Variants in CSMD1 observed in about 807,000 individuals in gnomAD.
CSMD1 encodes CUB and Sushi multiple domains 1.
CSMD1 carries 213 observed loss-of-function variants against 417.5 expected under a neutral mutation model. The ratio of observed to expected loss-of-function variants is 0.51; its 90% CI spans 0.46 to 0.57. CSMD1 has a LOEUF of 0.57. CSMD1 is among the 20% of genes least tolerant of loss of function. The pLI, the probability that CSMD1 is intolerant of heterozygous loss-of-function variation, is 0.00. For missense variants in CSMD1, 6,923 were observed against 4,529.7 expected (o/e 1.53, Z -15.17); for synonymous variants, 2,862 against 1,736.8 (o/e 1.65, Z -16.11).
chr8:4,217,110 G>C (rs772716778), intron 3 of CSMD1, among the ~76,000 whole-genome samples: 1 of 152,150 alleles, frequency 6.6e-6, no homozygotes, highest in Non-Finnish European at 1.5e-5. Flanking sequence ...CATTTTAGTT[G>C]GTGTAGTGCT....
chr8:4,292,380 G>A (rs1456209411), intron 3 of CSMD1, among the ~76,000 whole-genome samples: 1 of 152,022 alleles, frequency 6.6e-6, no homozygotes, highest in Non-Finnish European at 1.5e-5. Flanking sequence ...AGCCTCCAGA[G>A]TACCTGGGAC....
intron 5 of CSMD1, among the ~76,000 whole-genome samples, chr8:3,858,702 A>T (rs755313005): frequency 3.3e-5 from 5 of 152,148 alleles, no homozygotes; most frequent in Non-Finnish European, 7.3e-5. Context: ...TAATACCCCA[A>T]ATAAAATAGT....
intron 1 of CSMD1, among the ~76,000 whole-genome samples, chr8:4,665,774 T>A (rs1231914346): frequency 6.6e-6 from 1 of 152,234 alleles, no homozygotes; most frequent in Non-Finnish European, 1.5e-5. Context: ...TTAATATTTG[T>A]GTTTGTTTTC....
chr8:3,882,296 A>C (rs998805689), intron 5 of CSMD1, among the ~76,000 whole-genome samples: 3 of 152,226 alleles, frequency 2.0e-5, no homozygotes, highest in Non-Finnish European at 2.9e-5. Flanking sequence ...AAACACACAA[A>C]GTCATTCAAC....
intron 7 of CSMD1, among the ~76,000 whole-genome samples, chr8:3,660,463 G>A (rs979298470): frequency 7.4e-6 from 1 of 136,006 alleles, no homozygotes; most frequent in African/African-American, 2.8e-5. Context: ...ATGTAAACTA[G>A]GGCTCAGATC....
intron 7 of CSMD1, among the ~76,000 whole-genome samples, chr8:3,667,288 T>A (rs1798743514): frequency 6.6e-6 from 1 of 152,166 alleles, no homozygotes; most frequent in Non-Finnish European, 1.5e-5. Flanking sequence ...TTATAAGGGT[T>A]ATGTGAAAAA....
chr8:4,635,886 C>G (rs1261874364), intron 2 of CSMD1, among the ~76,000 whole-genome samples: 3 of 151,738 alleles, frequency 2.0e-5, no homozygotes, highest in Non-Finnish European at 4.4e-5. Context: ...GACGGCCATT[C>G]TACTATGTAT....
At chr8:4,919,365 G>C (rs1025674489) in intron 1 of CSMD1, among the ~76,000 whole-genome samples, 5 of 152,042 alleles carry the variant, frequency 3.3e-5, no homozygotes, top group African/African-American at 1.2e-4. Flanking sequence ...TTAAAATTTA[G>C]CATAAACAAA....
In CSMD1 at chr8:2,963,255, C is replaced by G; in HGVS notation, c.9421G>C (p.Gly3141Arg). Reference protein sequence around the residue: ...HSAILSCEGRGVWKGEIPQCL... With the variant: ...HSAILSCEGRRVWKGEIPQCL... ...TGGGGGATCTCTCCTTTCCACACCC[C>G]GCGACCTTCACAGGAGAGGATGGCG... The change falls in exon 60 of 70, where the codon GGG (glycine) becomes CGG (arginine). Residue 3141 changes from glycine to arginine, a missense_variant. Coordinates refer to ENST00000635120, the MANE Select transcript of CSMD1 (RefSeq NM_033225.6). 8 of 1,613,964 alleles carry G rather than the reference C, an allele frequency of 5.0e-6. No homozygotes were observed. The highest frequency in any genetic ancestry group is 6.8e-6 in the Non-Finnish European group (8 of 1,179,874).
intron 3 of CSMD1, among the ~76,000 whole-genome samples, chr8:4,379,796 A>G (rs1026005525): frequency 4.6e-5 from 7 of 152,190 alleles, no homozygotes; most frequent in African/African-American, 1.7e-4. Flanking sequence ...TCCAGTCAAA[A>G]TGTTGACAAT....
chr8:4,799,525 G>T (rs140059779), intron 1 of CSMD1, among the ~76,000 whole-genome samples: 124 of 138,776 alleles, frequency 8.9e-4, no homozygotes, highest in African/African-American at 3.2e-3. Flanking sequence ...CTTGAACCCA[G>T]GAGGCGGAGG....
At chr8:4,466,670 GA>G (rs1800189044) in intron 2 of CSMD1, among the ~76,000 whole-genome samples, 1 of 152,066 alleles carries the variant, frequency 6.6e-6, no homozygotes, top group South Asian at 2.1e-4. Context: ...ATATAACTCT[GA>G]GTTGGGATAT....
chr8:4,654,208 G>A (rs1804083292), intron 1 of CSMD1, among the ~76,000 whole-genome samples: 1 of 152,018 alleles, frequency 6.6e-6, no homozygotes, highest in East Asian at 1.9e-4. Flanking sequence ...TCTGGATCTA[G>A]TAATCTCAAT....
chr8:4,791,531 G>C (rs955726867), intron 1 of CSMD1, among the ~76,000 whole-genome samples: 1 of 152,144 alleles, frequency 6.6e-6, no homozygotes, highest in Admixed American at 6.5e-5. Flanking sequence ...AGTTGTATAA[G>C]AGCCACTGGA....
intron 3 of CSMD1, among the ~76,000 whole-genome samples, chr8:4,378,445 T>A (rs1013962220): frequency 2.6e-5 from 4 of 152,196 alleles, no homozygotes; most frequent in Non-Finnish European, 5.9e-5. Flanking sequence ...ATCTCAAAAA[T>A]TATTCTCTGT....
intron 21 of CSMD1, among the ~76,000 whole-genome samples, chr8:3,349,509 C>G (rs1029687501): frequency 2.0e-5 from 3 of 151,788 alleles, no homozygotes; most frequent in African/African-American, 7.3e-5. Context: ...TAAATAAAGA[C>G]AGAAAAGCAG....
chr8:3,540,297 G>C (rs1399646013), intron 10 of CSMD1, among the ~76,000 whole-genome samples: 1 of 152,168 alleles, frequency 6.6e-6, no homozygotes, highest in Non-Finnish European at 1.5e-5. Context: ...GAGTTGAATA[G>C]GTGATAACTC....
intron 47 of CSMD1, among the ~76,000 whole-genome samples, chr8:3,092,665 A>G (rs1815022071): frequency 6.6e-6 from 1 of 152,236 alleles, no homozygotes; most frequent in South Asian, 2.1e-4. Flanking sequence ...AACAAAGTTA[A>G]CATTGAAAGT....
At chr8:4,455,399 C>T (rs576711989) in intron 2 of CSMD1, among the ~76,000 whole-genome samples, 2 of 152,094 alleles carry the variant, frequency 1.3e-5, no homozygotes, top group Admixed American at 1.3e-4. Flanking sequence ...ATTTTATACA[C>T]AGCTGTCATG....
Sources: gnomAD v4.1 joint callset for allele counts (sites outside exome capture counted in the v4.1 genomes callset) on GRCh38, gnomAD v4.1.1 for gene constraint, MANE v1.5 for transcripts, NCBI Gene and HGNC (gene_info 2026-07-23, HGNC 2026-07-21) for gene names.